DGKD: variants seen among roughly 807,000 people sequenced by gnomAD.
DGKD encodes the protein diacylglycerol kinase delta.
Under a neutral mutation model 154.4 loss-of-function variants are expected in DGKD, and 68 were observed. That is an observed-to-expected ratio of 0.44 (90% CI 0.36 to 0.54). The LOEUF is 0.54. Among genes scored for constraint, DGKD ranks in the 20% least tolerant of loss-of-function variants. The pLI, the probability that DGKD is intolerant of heterozygous loss-of-function variation, is 0.00. For synonymous variants in DGKD, 693 were observed against 638.0 expected (o/e 1.09, Z -1.30); for missense variants, 1,343 against 1,593.6 (o/e 0.84, Z 2.68).
chr2:233,434,186 CT>C (rs1301352750), intron 3 of DGKD, among the ~76,000 whole-genome samples, 193 bp from the exon 4 acceptor site: 1 of 152,184 alleles, frequency 6.6e-6, no homozygotes. Context: ...ATTTCACTGT[CT>C]TTTTGGTTTG....
chr2:233,457,654 C>T lies in DGKD; in HGVS notation c.2580+326C>T. 2.1e-6 allele frequency: 1 copy of T among 483,630 alleles called. No individual in the cohort carries two copies. The highest frequency in any genetic ancestry group is 4.1e-6 in the Non-Finnish European group (1 of 246,502). 30.0% of individuals were successfully genotyped at this position (483,630 alleles called of 1,614,324 possible). On this transcript the variant is annotated intron_variant, in intron 21 of 29. Transcript: ENST00000264057. This position sits in a 1 kb window ranked among gnomAD's most constrained non-coding sequence, Gnocchi z 5.5. Reference sequence around the variant, plus strand: ...GTTGGAGTTGGCTAAGTTAGGTGGGCAGAGGAGAGGGGGAGGCTGTTCCAG... The same window carrying T: ...GTTGGAGTTGGCTAAGTTAGGTGGGTAGAGGAGAGGGGGAGGCTGTTCCAG...
At chr2:233,398,202 G>C (rs2061469946) in intron 3 of DGKD, among the ~76,000 whole-genome samples, 1 of 149,718 alleles carries the variant, frequency 6.7e-6, no homozygotes, top group Non-Finnish European at 1.5e-5. Flanking sequence ...GAGTGCAGTG[G>C]TGCGATCTTG....
intron 3 of DGKD, among the ~76,000 whole-genome samples, chr2:233,425,378 A>G (rs575060150): frequency 1.3e-5 from 2 of 152,106 alleles, no homozygotes; most frequent in South Asian, 4.1e-4. Context: ...TAATAGAGAC[A>G]GGGTTTCACT....
chr2:233,417,977 A>AGAAATCAG (rs2062000429), intron 3 of DGKD, among the ~76,000 whole-genome samples: 2 of 152,342 alleles, frequency 1.3e-5, no homozygotes, highest in Non-Finnish European at 2.9e-5. Flanking sequence ...AATAGTGCTG[A>AGAAATCAG]GGTTGAGAAA....
intron 3 of DGKD, among the ~76,000 whole-genome samples, chr2:233,403,579 A>C (rs1442796227): frequency 2.0e-5 from 3 of 152,060 alleles, no homozygotes; most frequent in Non-Finnish European, 4.4e-5. Flanking sequence ...AAATAAAAGT[A>C]AAATAGGGAG....
rs766723651 is a variant in DGKD, at chr2:233,454,812, C to T, written c.2314C>T (p.Leu772=). 3 of 1,614,014 alleles carry T rather than the reference C, an allele frequency of 1.9e-6. No individual in the cohort carries two copies. The highest frequency in any genetic ancestry group is 1.3e-5 in the African/African-American group (1 of 75,036). Residue 772 remains leucine, a synonymous_variant, in exon 19 of 30, where the codon CTG becomes TTG. Transcript: ENST00000264057. ...CVMNNYFGIG[L]DAKISLDFNN... ...CATGAACAACTATTTTGGCATTGGC[C>T]TGGATGCGAAGATATCCCTGGACTT...
At chr2:233,403,560 CAAAAAT>C (rs1362812091) in intron 3 of DGKD, among the ~76,000 whole-genome samples, 1 of 151,616 alleles carries the variant, frequency 6.6e-6, no homozygotes, top group African/African-American at 2.4e-5. Flanking sequence ...GACTCCATCT[CAAAAAT>C]AAAAATAAAA....
Position 233,406,499 on chromosome 2 carries a change from A to G in DGKD, c.348+16016A>G, listed in dbSNP as rs148085765. Reference sequence around the variant, plus strand: ...TGTGAGTCTTCTAGTCTAAGAGGCTATGAGGTGCTAGTCACCACTGTGTCT... The same window carrying G: ...TGTGAGTCTTCTAGTCTAAGAGGCTGTGAGGTGCTAGTCACCACTGTGTCT... On this transcript the variant is annotated intron_variant, in intron 3 of 29. Transcript: ENST00000264057. 2.2e-3 allele frequency among the ~76,000 whole-genome samples: 340 copies of G among 152,304 alleles called. 1 individual carries two copies. Among genetic ancestry groups the G allele is most frequent in the Non-Finnish European group, 3.8e-3 (257 of 68,010 alleles).
chr2:233,436,459 G>T lies in DGKD; in HGVS notation c.819+18G>T, dbSNP rs376314607. ...AGGCCATGGTGAGTGTGGGCCCTGCGCCCGGGCTGGAGGGGAGGGCTTGCT... is the reference window on the plus strand; with the variant it reads ...AGGCCATGGTGAGTGTGGGCCCTGCTCCCGGGCTGGAGGGGAGGGCTTGCT... On this transcript the variant is annotated intron_variant, in intron 7 of 29. Coordinates refer to ENST00000264057, the MANE Select transcript of DGKD (RefSeq NM_152879.3). 5.9e-5 allele frequency: 95 copies of T among 1,607,202 alleles called. No homozygotes were observed. Among genetic ancestry groups the T allele is most frequent in the Non-Finnish European group, 7.5e-5 (88 of 1,178,074 alleles).
chr2:233,379,431 C>G (rs1325600472), intron 1 of DGKD, among the ~76,000 whole-genome samples: 1 of 152,102 alleles, frequency 6.6e-6, no homozygotes, highest in Non-Finnish European at 1.5e-5. Context: ...CCACGTGAAG[C>G]CTTCCTAGAT....
At chr2:233,468,275 G>A (rs919661219) in intron 28 of DGKD, 148 bp from the exon 29 acceptor site, 52 of 878,270 alleles carry the variant, frequency 5.9e-5, no homozygotes, top group Admixed American at 1.9e-4. Context: ...TATCTCAGGC[G>A]CTGGCTGCTG....
chr2:233,420,917 A>G (rs1466526141), intron 3 of DGKD, among the ~76,000 whole-genome samples: 1 of 152,184 alleles, frequency 6.6e-6, no homozygotes, highest in Non-Finnish European at 1.5e-5. Context: ...TCTTCTTGGC[A>G]CATGGGCAAG....
chr2:233,469,502 G>A lies in DGKD; in HGVS notation c.*42G>A, dbSNP rs370335489. ...CTGTGGCCTCCACATCCCCGCCGCC[G>A]AGGCCTAGCCTCCGCCCTCTCAGCC... On this transcript the variant is annotated 3_prime_UTR_variant, in exon 30 of 30. Coordinates refer to ENST00000264057, the MANE Select transcript of DGKD (RefSeq NM_152879.3). 8.6e-5 allele frequency: 132 copies of A among 1,534,042 alleles called. No homozygotes were observed. In the African/African-American group the frequency reaches 1.2e-3, roughly 14 times the overall value.
chr2:233,376,725 G>A (rs1340573272), intron 1 of DGKD, among the ~76,000 whole-genome samples: 1 of 152,110 alleles, frequency 6.6e-6, no homozygotes, highest in African/African-American at 2.4e-5. Context: ...CTCATAGGTG[G>A]GAATTGAACA....
At chr2:233,461,243 C>G (rs2063630117) in intron 24 of DGKD, among the ~76,000 whole-genome samples, 1 of 152,254 alleles carries the variant, frequency 6.6e-6, no homozygotes, top group Non-Finnish European at 1.5e-5. Flanking sequence ...TGGCCGCACG[C>G]TGGCTGGTGC....
chr2:233,381,470 C>G (rs1702902736), intron 1 of DGKD, among the ~76,000 whole-genome samples: 1 of 152,118 alleles, frequency 6.6e-6, no homozygotes, highest in Non-Finnish European at 1.5e-5. Context: ...AGCCAAGTGG[C>G]CTTGGGTGAA....
At chr2:233,393,784 A>G (rs1236208258) in intron 3 of DGKD, among the ~76,000 whole-genome samples, 1 of 147,570 alleles carries the variant, frequency 6.8e-6, no homozygotes, top group East Asian at 2.0e-4. Flanking sequence ...CCTGGGTTCC[A>G]GTGATTCTCC....
intron 6 of DGKD, 33 bp from the exon 7 acceptor site, chr2:233,436,283 G>C (rs377517648): frequency 6.3e-5 from 101 of 1,613,350 alleles, no homozygotes; most frequent in Non-Finnish European, 6.3e-5. Flanking sequence ...AACCTTGGGA[G>C]CGTCCCTAGT....
rs1243529182 is a variant in DGKD at position 233,445,088 on chromosome 2, G to C, written c.1195-535G>C. On this transcript the variant is annotated intron_variant, in intron 10 of 29. Coordinates refer to ENST00000264057, the MANE Select transcript of DGKD (RefSeq NM_152879.3). This position sits in a 1 kb window ranked among gnomAD's most constrained non-coding sequence, Gnocchi z 5.5. Reference sequence around the variant, plus strand: ...GGCAGGCGGGCAGAGGCTGAGCTCTGGCAAGGCTCCAGGGTAGCCTCCAGA... The same window carrying C: ...GGCAGGCGGGCAGAGGCTGAGCTCTCGCAAGGCTCCAGGGTAGCCTCCAGA... 6.6e-6 allele frequency among the ~76,000 whole-genome samples: 1 copy of C among 152,170 alleles called. No homozygotes were observed. The highest frequency in any genetic ancestry group is 1.5e-5 in the Non-Finnish European group (1 of 68,036).
Sources: allele counts gnomAD v4.1 joint callset (sites outside exome capture counted in the v4.1 genomes callset), GRCh38; gene constraint gnomAD v4.1.1; non-coding constraint Gnocchi (gnomAD v3.1); transcripts MANE v1.5; gene names NCBI Gene and HGNC (gene_info 2026-07-23, HGNC 2026-07-21).